Variants in SMARCB1 observed in about 807,000 individuals in gnomAD.
SMARCB1 encodes the protein SWI/SNF related BAF chromatin remodeling complex subunit B1, also known as SWI/SNF-related matrix-associated actin-dependent regulator of chromatin subfamily B member 1.
Under a neutral mutation model 49.0 loss-of-function variants are expected in SMARCB1, and 5 were observed. The observed-to-expected ratio is 0.10, with a 90% CI of 0.05 to 0.21. SMARCB1 has a LOEUF of 0.21. Among genes scored for constraint, SMARCB1 ranks in the 10% least tolerant of loss-of-function variants. The pLI is 1.00. For missense variants in SMARCB1, 226 were observed against 509.2 expected, an observed-to-expected ratio of 0.44 and a Z score of 5.35; for synonymous variants, 201 against 200.1, an observed-to-expected ratio of 1.00 and a Z score of -0.04.
rs551217729 is a variant in SMARCB1 at position 23,792,547 on chromosome 22, G to A, written c.232+653G>A. ...TGTGGACACAGCATGTCCTTGGGCA[G>A]GTGGCAAAACTGCTTCCCACGTGGC... On this transcript the variant is annotated intron_variant, in intron 2 of 8. Transcript: ENST00000644036. The A allele has an allele frequency of 4.3e-4, 75 of 173,274 alleles. 1 individual carries two copies. The South Asian group carries it at 9.9e-3, about 23-fold the overall frequency. 10.7% of individuals were successfully genotyped at this position (173,274 alleles called of 1,614,324 possible). A position where few individuals can be genotyped will look rare whatever the true frequency, so the allele number is the denominator to read the frequency against.
intron 7 of SMARCB1, among the ~76,000 whole-genome samples, chr22:23,827,781 G>A (rs1321276162): frequency 6.6e-6 from 1 of 152,142 alleles, no homozygotes; most frequent in Non-Finnish European, 1.5e-5. Context: ...CAGCTGCAAG[G>A]ATAGGACAGG....
rs1033381400 is a variant in SMARCB1, at chr22:23,793,818, G to C, written c.362+130G>C. 13 of 936,816 alleles carry C rather than the reference G, an allele frequency of 1.4e-5. No homozygotes were observed. The African/African-American group carries it at 2.4e-4, about 17-fold the overall frequency. The allele number at this position is 936,816 out of a possible 1,614,324, so 58.0% of individuals were successfully genotyped here. A position where few individuals can be genotyped will look rare whatever the true frequency, so the allele number is the denominator to read the frequency against. ...TTTTTTGAGATGGAATCTTGTTCTT[G>C]TCGCCCAGGCTGGAGTGCAGTGGCA... On this transcript the variant is annotated intron_variant, in intron 3 of 8. Coordinates refer to ENST00000644036, the MANE Select transcript of SMARCB1 (RefSeq NM_003073.5).
At chr22:23,802,618 C>T (rs35538116) in intron 4 of SMARCB1, 9,446 of 164,490 alleles carry the variant, frequency 0.057, 758 homozygotes, top group African/African-American at 0.18. Flanking sequence ...CATCTACCTC[C>T]CAAGGTCACT....
intron 3 of SMARCB1, among the ~76,000 whole-genome samples, chr22:23,795,465 G>C (rs1018913688): frequency 2.0e-5 from 3 of 152,084 alleles, no homozygotes; most frequent in Non-Finnish European, 4.4e-5. Context: ...AGACCAGCCT[G>C]ACCAACATGG....
Position 23,835,379 on chromosome 22 carries a change from G to A in SMARCB1, c.*1199G>A. On this transcript the variant is annotated 3_prime_UTR_variant, in exon 9 of 9. Transcript: ENST00000644036. ...TGCTGCCACCCTCAGCTGTTGGCAG[G>A]TCCCATGCTGCCAGGGCAGGGCTAG... is the stretch of plus-strand genomic sequence containing the variant. 5 of 989,576 alleles carry A rather than the reference G, an allele frequency of 5.1e-6. No homozygotes were observed. The highest frequency in any genetic ancestry group is 6.0e-6 in the Non-Finnish European group (5 of 832,942). The allele number at this position is 989,576 out of a possible 1,614,324, so 61.3% of individuals were successfully genotyped here.
intron 2 of SMARCB1, chr22:23,793,270 TGTA>T (rs781572526): frequency 2.1e-6 from 1 of 483,678 alleles, no homozygotes; most frequent in Non-Finnish European, 3.8e-6. Context: ...CGTGCTGTAT[TGTA>T]GTTGCTGGTG....
In SMARCB1 at chr22:23,793,730, G is replaced by T. The variant is rs145839458; in HGVS notation, c.362+42G>T. On this transcript the variant is annotated intron_variant, in intron 3 of 8. Coordinates refer to ENST00000644036, the MANE Select transcript of SMARCB1 (RefSeq NM_003073.5). ...CAGGGCATCTCTGGGGACACCTGTG[G>T]GGTCTTTTCTGAGACTCAAGAACTG... The T allele has an allele frequency of 5.3e-4, 848 of 1,608,570 alleles. 9 individuals are homozygous for T. In the African/African-American group the frequency reaches 9.6e-3, roughly 18 times the overall value.
At chr22:23,797,108 C>T (rs1712528536) in intron 3 of SMARCB1, among the ~76,000 whole-genome samples, 1 of 148,818 alleles carries the variant, frequency 6.7e-6, no homozygotes, top group Non-Finnish European at 1.5e-5. Flanking sequence ...ACGCCATTCT[C>T]CTGCCTCAGC....
At chr22:23,787,292 G>T (rs747318776) in intron 1 of SMARCB1, 30 bp downstream of exon 1, 61 of 1,409,608 alleles carry the variant, frequency 4.3e-5, no homozygotes, top group Non-Finnish European at 5.6e-5. Context: ...CGCCCTCCCC[G>T]GGCTCGGCCC....
In SMARCB1 at chr22:23,825,000, G is replaced by T. The variant is rs904593663; in HGVS notation, c.796-225G>T. ...CCCCGGGGTCACTTCAGGGCCTCCCGAGGGTGACTGTGCTGGGCCCTGAGC... is the reference window on the plus strand; with the variant it reads ...CCCCGGGGTCACTTCAGGGCCTCCCTAGGGTGACTGTGCTGGGCCCTGAGC... On this transcript the variant is annotated intron_variant, in intron 6 of 8. Transcript: ENST00000644036. The T allele has an allele frequency of 1.3e-5, 8 of 597,424 alleles. No homozygotes were observed. The Admixed American group carries it at 2.0e-4, about 15-fold the overall frequency. 37.0% of individuals were successfully genotyped at this position (597,424 alleles called of 1,614,324 possible). A position where few individuals can be genotyped will look rare whatever the true frequency, so the allele number is the denominator to read the frequency against.
chr22:23,795,842 G>A (rs1193495990), intron 3 of SMARCB1, among the ~76,000 whole-genome samples: 1 of 146,766 alleles, frequency 6.8e-6, no homozygotes, highest in African/African-American at 2.5e-5. Flanking sequence ...CCAGGCTGGA[G>A]TACGGTGGCA....
chr22:23,787,714 G>A (rs1424659793), intron 1 of SMARCB1, among the ~76,000 whole-genome samples: 1 of 152,168 alleles, frequency 6.6e-6, no homozygotes, highest in Non-Finnish European at 1.5e-5. Context: ...CTTAGTGAGG[G>A]CTCATCCCCA....
At chr22:23,790,929 G>T (rs554299698) in intron 1 of SMARCB1, among the ~76,000 whole-genome samples, 2 of 152,218 alleles carry the variant, frequency 1.3e-5, no homozygotes, top group South Asian at 2.1e-4. Context: ...AAACATAATA[G>T]AAGTGGTCCT....
Position 23,837,682 on chromosome 22 carries a change from T to G in SMARCB1, c.*3502T>G, listed in dbSNP as rs1474975885. The G allele has an allele frequency of 1.9e-6, 3 of 1,612,972 alleles. No individual in the cohort carries two copies. The highest frequency in any genetic ancestry group is 1.7e-5 in the Admixed American group (1 of 59,952). On this transcript the variant is annotated 3_prime_UTR_variant, in exon 9 of 9. Coordinates refer to ENST00000644036, the MANE Select transcript of SMARCB1 (RefSeq NM_003073.5). The stretch of plus-strand genomic sequence containing the variant: ...ACCCAGCAGGTCCACGAGGATGGAG[T>G]TGCCCAGCAGCAGCGAGAAGCCCAT...
chr22:23,835,632 C>T lies in SMARCB1; in HGVS notation c.*1452C>T. On this transcript the variant is annotated 3_prime_UTR_variant, in exon 9 of 9. Coordinates refer to ENST00000644036, the MANE Select transcript of SMARCB1 (RefSeq NM_003073.5). ...CATGCACAGCAAGGGGACAGCTGGG[C>T]CTTACTGGAAGGCCTTGAACAAAGG... 1.0e-6 allele frequency: 1 copy of T among 985,536 alleles called. No individual in the cohort carries two copies. Among genetic ancestry groups the T allele is most frequent in the African/African-American group, 1.7e-5 (1 of 57,378 alleles). 61.0% of individuals were successfully genotyped at this position (985,536 alleles called of 1,614,324 possible).
intron 7 of SMARCB1, among the ~76,000 whole-genome samples, chr22:23,830,898 A>G (rs1055829619): frequency 6.6e-6 from 1 of 151,914 alleles, no homozygotes; most frequent in African/African-American, 2.4e-5. Flanking sequence ...TGACCTCATA[A>G]TCCGCCCGCC....
At chr22:23,826,428 A>G (rs76236721) in intron 7 of SMARCB1, among the ~76,000 whole-genome samples, 1 of 149,460 alleles carries the variant, frequency 6.7e-6, no homozygotes, top group African/African-American at 2.4e-5. Flanking sequence ...CTGTCTCCAA[A>G]AAAAAAAAAA....
chr22:23,811,098 C>T (rs951157974), intron 5 of SMARCB1, among the ~76,000 whole-genome samples: 1 of 150,028 alleles, frequency 6.7e-6, no homozygotes, highest in African/African-American at 2.5e-5. Context: ...GCAGGAGTGA[C>T]AATGTTAGTA....
chr22:23,788,164 A>G (rs1259670138), intron 1 of SMARCB1, among the ~76,000 whole-genome samples: 1 of 151,924 alleles, frequency 6.6e-6, no homozygotes, highest in Non-Finnish European at 1.5e-5. Context: ...ATGAGCCACC[A>G]CACCCGGCCA....
Sources: gnomAD v4.1 joint callset for allele counts (sites outside exome capture counted in the v4.1 genomes callset) on GRCh38, gnomAD v4.1.1 for gene constraint, MANE v1.5 for transcripts, NCBI Gene and HGNC (gene_info 2026-07-23, HGNC 2026-07-21) for gene names.